The following CAMTA1 variants were observed in gnomAD, a reference collection of about 807,000 sequenced individuals.
The protein encoded by CAMTA1 is calmodulin-binding transcription activator 1.
Under a neutral mutation model 170.9 loss-of-function variants are expected in CAMTA1, and 27 were observed. The observed-to-expected ratio is 0.16, with a 90% CI of 0.12 to 0.22. CAMTA1 has a LOEUF of 0.22. CAMTA1 is among the 10% of genes least tolerant of loss of function. The pLI is 1.00. For synonymous variants in CAMTA1, 833 were observed against 891.5 expected (o/e 0.93, Z 1.17); for missense variants, 1,619 against 2,217.2 (o/e 0.73, Z 5.42).
At position 7,469,438 on chromosome 1, in the gene CAMTA1, C is replaced by T. The variant is rs548128272; in HGVS notation, c.510+1537C>T. On this transcript the variant is annotated intron_variant, in intron 6 of 22. Coordinates refer to ENST00000303635, the MANE Select transcript of CAMTA1 (RefSeq NM_015215.4). ...TCAGAGTCAGAGCATGTCCTTGAGT[C>T]CCCAGGGACAAACTCTGGCTTCCCA... Among the ~76,000 whole-genome samples, 6 of 152,316 alleles carry T rather than the reference C, an allele frequency of 3.9e-5. No homozygotes were observed. The East Asian group carries it at 1.2e-3, about 29-fold the overall frequency.
At chr1:6,975,939 G>GT (rs1408331048) in intron 3 of CAMTA1, among the ~76,000 whole-genome samples, 2 of 152,146 alleles carry the variant, frequency 1.3e-5, no homozygotes, top group African/African-American at 4.8e-5. Context: ...CTTTCACTCA[G>GT]TGTCATGATC....
rs536390765 is a variant in CAMTA1, at chr1:7,043,246, C to T, written c.235-48058C>T. Among the ~76,000 whole-genome samples, 264 of 152,328 alleles carry T rather than the reference C, an allele frequency of 1.7e-3. 1 individual carries two copies. Among genetic ancestry groups the T allele is most frequent in the South Asian group, 2.9e-3 (14 of 4,826 alleles). On this transcript the variant is annotated intron_variant, in intron 3 of 22. Transcript: ENST00000303635. ...GGGCCCTCCTCTTTCCCCCACCCTA[C>T]GCTCACCCTGAGCTGCATTCTCAAA...
intron 3 of CAMTA1, among the ~76,000 whole-genome samples, chr1:6,899,550 GCGCGCACACACACACA>G (rs1179236018): frequency 1.1e-4 from 9 of 85,110 alleles, no homozygotes; most frequent in African/African-American, 2.9e-4. Flanking sequence ...GCGCACGCGC[GCGCGCACACACACACA>G]CACACACACA....
At position 6,887,152 on chromosome 1, in the gene CAMTA1, T is replaced by C. The variant is rs1673462757; in HGVS notation, c.234+61942T>C. 6.6e-6 allele frequency among the ~76,000 whole-genome samples: 1 copy of C among 152,316 alleles called. No homozygotes were observed. The highest frequency in any genetic ancestry group is 2.1e-4 in the South Asian group (1 of 4,824). ...ATGTTAATCTGAATTAGGGAGTTGA[T>C]TGTACATAATGACTCCCCTGGGTTG... On this transcript the variant is annotated intron_variant, in intron 3 of 22. Transcript: ENST00000303635. This position sits in a 1 kb window ranked among gnomAD's most constrained non-coding sequence, Gnocchi z 4.1.
chr1:6,789,834 A>T (rs1468066908), intron 1 of CAMTA1, among the ~76,000 whole-genome samples: 1 of 126,746 alleles, frequency 7.9e-6, no homozygotes, highest in East Asian at 2.2e-4. Flanking sequence ...TTTTTGAGAC[A>T]GAGTCTCACT....
intron 4 of CAMTA1, among the ~76,000 whole-genome samples, chr1:7,103,630 TACAC>T (rs1325701935): frequency 2.3e-5 from 1 of 42,556 alleles, no homozygotes; most frequent in South Asian, 6.4e-4. Flanking sequence ...CACACACAAC[TACAC>T]ACACGCACAC....
chr1:7,420,406 C>A (rs1325684026), intron 5 of CAMTA1, among the ~76,000 whole-genome samples: 1 of 152,204 alleles, frequency 6.6e-6, no homozygotes, highest in Non-Finnish European at 1.5e-5. Flanking sequence ...CTGTCTGTCT[C>A]TCCACTAGAG....
Position 7,665,113 on chromosome 1 carries a change from T to A in CAMTA1, c.2566T>A (p.Ser856Thr). Residue 856 changes from serine (S) to threonine (T), a missense_variant, in exon 9 of 23, where the codon TCG (serine) becomes ACG (threonine). By Grantham distance (58) the Ser-to-Thr change is moderately conservative. Coordinates refer to ENST00000303635, the MANE Select transcript of CAMTA1 (RefSeq NM_015215.4). The surrounding 1 kb of genome is among the most constrained non-coding windows in gnomAD (Gnocchi z 4.3). ...MHVAEVVSAA[S>T]AQGTLGMLQQ... Reference sequence around the variant, plus strand: ...CGTCGCCGAGGTGGTCTCGGCCGCCTCGGCCCAGGGCACCCTAGGCATGCT... The same window carrying A: ...CGTCGCCGAGGTGGTCTCGGCCGCCACGGCCCAGGGCACCCTAGGCATGCT... 1 of 1,528,358 alleles carries A rather than the reference T, an allele frequency of 6.5e-7. No homozygotes were observed. The highest frequency in any genetic ancestry group is 8.8e-7 in the Non-Finnish European group (1 of 1,140,854). The allele number at this position is 1,528,358 out of a possible 1,614,324, so 94.7% of individuals were successfully genotyped here.
intron 3 of CAMTA1, among the ~76,000 whole-genome samples, chr1:6,856,787 T>A (rs1330713043): frequency 6.6e-6 from 1 of 152,082 alleles, no homozygotes; most frequent in Non-Finnish European, 1.5e-5. Context: ...ATTTTTATGA[T>A]GAAAGTGATG....
At chr1:7,319,178 G>C (rs1427064382) in intron 5 of CAMTA1, among the ~76,000 whole-genome samples, 2 of 152,156 alleles carry the variant, frequency 1.3e-5, no homozygotes, top group African/African-American at 4.8e-5. Flanking sequence ...AGGTGCAGGG[G>C]TGAGAAAGTG....
intron 4 of CAMTA1, among the ~76,000 whole-genome samples, chr1:7,139,814 C>T (rs1012968569): frequency 2.0e-5 from 3 of 152,116 alleles, no homozygotes; most frequent in African/African-American, 4.8e-5. Flanking sequence ...AGCAGCAGTT[C>T]GCAATGCTTC....
At chr1:7,005,366 C>T (rs1205641365) in intron 3 of CAMTA1, among the ~76,000 whole-genome samples, 4 of 152,200 alleles carry the variant, frequency 2.6e-5, no homozygotes, top group Non-Finnish European at 5.9e-5. Flanking sequence ...TTGGAACCTC[C>T]CAGGAGTCCA....
rs564163040 is a variant in CAMTA1, at chr1:6,962,515, A to G, written c.235-128789A>G. On this transcript the variant is annotated intron_variant, in intron 3 of 22. Transcript: ENST00000303635. ...CCTCAGAACCTATCCCGTTTCCTTTATGGACCTGCCCTCGTCTGGTCCCAT... is the reference window on the plus strand; with the variant it reads ...CCTCAGAACCTATCCCGTTTCCTTTGTGGACCTGCCCTCGTCTGGTCCCAT... Among the ~76,000 whole-genome samples the G allele has an allele frequency of 1.0e-4, 12 of 117,696 alleles. No homozygotes were observed. In the South Asian group the frequency reaches 3.1e-3, roughly 30 times the overall value. The allele number at this position is 117,696 out of a possible 152,430, so 77.2% of individuals were successfully genotyped here. A position where few individuals can be genotyped will look rare whatever the true frequency, so the allele number is the denominator to read the frequency against.
At chr1:7,536,704 G>A (rs574115388) in intron 6 of CAMTA1, among the ~76,000 whole-genome samples, 12 of 152,322 alleles carry the variant, frequency 7.9e-5, no homozygotes, top group Non-Finnish European at 2.9e-5. Context: ...AGGTGTGGAC[G>A]CAGGGCTTTC....
chr1:7,071,517 TAAAC>T (rs1167240862), intron 3 of CAMTA1, among the ~76,000 whole-genome samples: 3 of 152,240 alleles, frequency 2.0e-5, no homozygotes, highest in Non-Finnish European at 2.9e-5. Flanking sequence ...TTTTTAAAAA[TAAAC>T]GGACTATAGT....
intron 4 of CAMTA1, among the ~76,000 whole-genome samples, chr1:7,186,404 G>A (rs1462921980): frequency 6.6e-6 from 1 of 152,168 alleles, no homozygotes; most frequent in African/African-American, 2.4e-5. Context: ...CTGGACATAG[G>A]AATTACCAAA....
At chr1:7,703,248 G>A (rs748476080) in intron 11 of CAMTA1, among the ~76,000 whole-genome samples, 1 of 152,116 alleles carries the variant, frequency 6.6e-6, no homozygotes, top group Non-Finnish European at 1.5e-5. Flanking sequence ...ATAAAGGGGA[G>A]GAGTTGCATA....
Position 6,820,204 on chromosome 1 carries a change from C to T in CAMTA1, c.69C>T (p.Cys23=), listed in dbSNP as rs542766424. ...SRKSVSQSVF[C]GTSTYCVLNT... is the part of the protein sequence containing the mutation. ...AGAGCGTTTCCCAAAGTGTATTCTG[C>T]GGAACTAGCACCTACTGTGTTCTCA... is the stretch of plus-strand genomic sequence containing the variant. The change falls in exon 2 of 23, where the codon TGC becomes TGT. Residue 23 remains cysteine, a synonymous_variant. Coordinates refer to ENST00000303635, the MANE Select transcript of CAMTA1 (RefSeq NM_015215.4). The T allele has an allele frequency of 6.2e-6, 10 of 1,607,346 alleles. No individual in the cohort carries two copies. Among genetic ancestry groups the T allele is most frequent in the South Asian group, 5.5e-5 (5 of 90,932 alleles).
In CAMTA1 at chr1:7,640,417, G is replaced by C; in HGVS notation, c.528G>C (p.Leu176=). 3 of 1,614,102 alleles carry C rather than the reference G, an allele frequency of 1.9e-6. No homozygotes were observed. Among genetic ancestry groups the C allele is most frequent in the Non-Finnish European group, 2.5e-6 (3 of 1,180,026 alleles). ...CCCCACAGAACCCCGACATCGTCCT[G>C]GTGCACTACCTGAACGTGCCGGCCA... ...YWLLQNPDIV[L]VHYLNVPAIE... Residue 176 remains leucine (L), a synonymous_variant, in exon 7 of 23, where the codon CTG becomes CTC. Transcript: ENST00000303635.
Sources: allele counts gnomAD v4.1 joint callset (sites outside exome capture counted in the v4.1 genomes callset), GRCh38; gene constraint gnomAD v4.1.1; non-coding constraint Gnocchi (gnomAD v3.1); transcripts MANE v1.5; gene names NCBI Gene and HGNC (gene_info 2026-07-23, HGNC 2026-07-21).